The following RGS7 variants were observed in gnomAD, a reference collection of about 807,000 sequenced individuals.
The protein encoded by RGS7 is regulator of G-protein signaling 7.
In RGS7, 27 loss-of-function variants were observed where a neutral mutation model predicts 81.1. The ratio of observed to expected loss-of-function variants is 0.33; its 90% CI spans 0.25 to 0.46. The LOEUF (loss-of-function observed/expected upper bound fraction) is 0.46, where lower values mean the gene tolerates loss of function less well. Ranked by LOEUF, RGS7 falls within the 20% of genes least tolerant of loss-of-function variation. The pLI, the probability that RGS7 is intolerant of heterozygous loss-of-function variation, is 1.00. For missense variants in RGS7, 396 were observed against 607.4 expected (o/e 0.65, Z 3.66); for synonymous variants, 208 against 207.7 (o/e 1.00, Z -0.01).
chr1:241,307,944 C>T (rs1220032576), intron 2 of RGS7, among the ~76,000 whole-genome samples: 2 of 152,176 alleles, frequency 1.3e-5, no homozygotes, highest in African/African-American at 2.4e-5. Context: ...ATGAGGATTT[C>T]GGTCATGTGT....
At chr1:241,178,662 C>T (rs1445593277) in intron 2 of RGS7, among the ~76,000 whole-genome samples, 1 of 152,178 alleles carries the variant, frequency 6.6e-6, no homozygotes, top group Non-Finnish European at 1.5e-5. Flanking sequence ...TACTAGGTGA[C>T]ATGTTGCCTA....
At chr1:241,117,707 G>T (rs2065969758) in intron 2 of RGS7, among the ~76,000 whole-genome samples, 3 of 152,152 alleles carry the variant, frequency 2.0e-5, no homozygotes. Context: ...AGTGGAAATA[G>T]AACATGGATA....
At chr1:240,893,505 C>G (rs1316593854) in intron 6 of RGS7, among the ~76,000 whole-genome samples, 1 of 152,020 alleles carries the variant, frequency 6.6e-6, no homozygotes, top group Non-Finnish European at 1.5e-5. Context: ...AACCACATTT[C>G]TCTGAAAATT....
intron 6 of RGS7, among the ~76,000 whole-genome samples, chr1:240,900,577 T>C (rs1430185298): frequency 6.6e-6 from 1 of 152,160 alleles, no homozygotes; most frequent in Non-Finnish European, 1.5e-5. Flanking sequence ...CCTGTTTGCC[T>C]GGGTATCACC....
At chr1:240,886,736 C>T (rs1026108732) in intron 6 of RGS7, among the ~76,000 whole-genome samples, 1 of 152,264 alleles carries the variant, frequency 6.6e-6, no homozygotes, top group African/African-American at 2.4e-5. Flanking sequence ...TCAGACTATG[C>T]CTAGAATAGA....
intron 9 of RGS7, among the ~76,000 whole-genome samples, chr1:240,835,693 C>G (rs1694617741): frequency 6.6e-6 from 1 of 152,120 alleles, no homozygotes; most frequent in South Asian, 2.1e-4. Context: ...CCAAGATGTC[C>G]TTTAGTAGGT....
At chr1:241,199,346 C>T (rs186008356) in intron 2 of RGS7, among the ~76,000 whole-genome samples, 1 of 151,700 alleles carries the variant, frequency 6.6e-6, no homozygotes, top group African/African-American at 2.4e-5. Flanking sequence ...GTCTCAGCTG[C>T]TTGGGAGGCT....
intron 3 of RGS7, among the ~76,000 whole-genome samples, chr1:241,085,832 G>A (rs1173838878): frequency 6.6e-6 from 1 of 152,162 alleles, no homozygotes; most frequent in African/African-American, 2.4e-5. Flanking sequence ...TCTTTGTTAA[G>A]ACTCAAATAA....
chr1:240,886,320 C>A (rs1468169548), intron 6 of RGS7, among the ~76,000 whole-genome samples: 2 of 152,096 alleles, frequency 1.3e-5, no homozygotes, highest in African/African-American at 4.8e-5. Flanking sequence ...ATGGATAAGC[C>A]CAGAGGAGCC....
At chr1:240,993,290 A>G (rs1686791249) in intron 3 of RGS7, among the ~76,000 whole-genome samples, 2 of 151,936 alleles carry the variant, frequency 1.3e-5, no homozygotes, top group South Asian at 4.1e-4. Context: ...AGAGAGAGAG[A>G]GAAAGAAAGA....
chr1:241,007,611 A>G (rs2058738856), intron 3 of RGS7, among the ~76,000 whole-genome samples: 1 of 152,232 alleles, frequency 6.6e-6, no homozygotes, highest in Admixed American at 6.5e-5. Context: ...GAATTTGACT[A>G]GAAAGTGAAA....
intron 9 of RGS7, among the ~76,000 whole-genome samples, chr1:240,858,332 G>A (rs1661531847): frequency 6.6e-6 from 1 of 152,174 alleles, no homozygotes; most frequent in Non-Finnish European, 1.5e-5. Context: ...TTTCAAAGTA[G>A]CTGTACCATT....
intron 2 of RGS7, among the ~76,000 whole-genome samples, chr1:241,178,621 C>A (rs1385063057): frequency 1.3e-5 from 2 of 152,146 alleles, no homozygotes; most frequent in Non-Finnish European, 2.9e-5. Context: ...AGGACATGGT[C>A]AACAGGATAG....
chr1:241,326,749 G>C (rs2081519966), intron 2 of RGS7, among the ~76,000 whole-genome samples: 1 of 150,330 alleles, frequency 6.7e-6, no homozygotes, highest in Non-Finnish European at 1.5e-5. Flanking sequence ...CTCAAGGCCA[G>C]CCTGGGCAAC....
intron 4 of RGS7, among the ~76,000 whole-genome samples, chr1:240,938,158 C>A (rs991821738): frequency 2.0e-5 from 3 of 152,156 alleles, no homozygotes; most frequent in Non-Finnish European, 4.4e-5. Context: ...AGATACCAAA[C>A]ATCAAGGATG....
At chr1:240,797,360 T>C (rs1336671186) in intron 18 of RGS7, among the ~76,000 whole-genome samples, 1 of 152,198 alleles carries the variant, frequency 6.6e-6, no homozygotes, top group African/African-American at 2.4e-5. Context: ...TTATCTTTTC[T>C]TATTTTTTCA....
chr1:241,260,927 TGG>T (rs2077296219), intron 2 of RGS7, among the ~76,000 whole-genome samples: 1 of 47,196 alleles, frequency 2.1e-5, no homozygotes, highest in African/African-American at 8.8e-5. Flanking sequence ...TGTTGTGGGG[TGG>T]GGGGAGGGGG....
chr1:240,816,320 T>C lies in RGS7; in HGVS notation c.780A>G (p.Gln260=), dbSNP rs1690790970. The C allele has an allele frequency of 6.2e-7, 1 of 1,601,082 alleles. No homozygotes were observed. The highest frequency in any genetic ancestry group is 8.6e-7 in the Non-Finnish European group (1 of 1,168,236). ...GTCATCTCATAGGTTGACTCACCTG[T>C]TGTTGTAACTCATCTTCTGTTGGAG... ...TKPPTEDELQ[Q]QIKYWQIQLD... is the part of the protein sequence containing the mutation. Residue 260 remains glutamine (Q), a synonymous_variant, in exon 11 of 19, where the codon CAA becomes CAG. Transcript: ENST00000440928.
At chr1:241,170,706 G>A (rs748204594) in intron 2 of RGS7, among the ~76,000 whole-genome samples, 1 of 152,130 alleles carries the variant, frequency 6.6e-6, no homozygotes, top group Non-Finnish European at 1.5e-5. Context: ...GGAGCAGTGC[G>A]GAAAGTGACT....
Sources: allele counts gnomAD v4.1 joint callset (sites outside exome capture counted in the v4.1 genomes callset), GRCh38; gene constraint gnomAD v4.1.1; transcripts MANE v1.5; gene names NCBI Gene and HGNC (gene_info 2026-07-23, HGNC 2026-07-21).